The following CYB5B variants were observed in gnomAD, a reference collection of about 807,000 sequenced individuals.
CYB5B encodes cytochrome b5 type B (outer mitochondrial membrane).
Under a neutral mutation model 21.3 loss-of-function variants are expected in CYB5B, and 14 were observed. The ratio of observed to expected loss-of-function variants is 0.66; its 90% CI spans 0.43 to 1.03. The LOEUF (loss-of-function observed/expected upper bound fraction) is 1.03, where lower values mean the gene tolerates loss of function less well. Among genes scored for constraint, CYB5B ranks in the 50% least tolerant of loss-of-function variants. The pLI, the probability that CYB5B is intolerant of heterozygous loss-of-function variation, is 0.00. For synonymous variants in CYB5B, 69 were observed against 68.4 expected, an observed-to-expected ratio of 1.01 and a Z score of -0.04; for missense variants, 166 against 185.1, an observed-to-expected ratio of 0.90 and a Z score of 0.60.
rs1339147363 is a variant in CYB5B, at chr16:69,464,570, C to T, written c.*2050C>T. On this transcript the variant is annotated 3_prime_UTR_variant, in exon 5 of 5. Transcript: ENST00000307892. ...TGAAAGGGAACATTCAAACTAAAGC[C>T]AAGCCTGAAGATAACTTGAATCAGT... The T allele has an allele frequency of 1.3e-5, 2 of 152,248 alleles. No homozygotes were observed. Among genetic ancestry groups the T allele is most frequent in the Admixed American group, 1.3e-4 (2 of 15,268 alleles). 9.4% of individuals were successfully genotyped at this position (152,248 alleles called of 1,614,324 possible). A position where few individuals can be genotyped will look rare whatever the true frequency, so the allele number is the denominator to read the frequency against.
intron 1 of CYB5B, among the ~76,000 whole-genome samples, chr16:69,427,060 C>G (rs530785769): frequency 6.6e-6 from 1 of 151,950 alleles, no homozygotes; most frequent in Non-Finnish European, 1.5e-5. Context: ...GCCAACACGG[C>G]GAAACCTCGT....
At chr16:69,452,094 A>G (rs1446551673) in intron 3 of CYB5B, among the ~76,000 whole-genome samples, 1 of 151,858 alleles carries the variant, frequency 6.6e-6, no homozygotes, top group East Asian at 1.9e-4. Context: ...GGATAGACAG[A>G]CAAACCAACC....
chr16:69,447,478 C>G (rs2014889323), intron 2 of CYB5B, among the ~76,000 whole-genome samples, 200 bp downstream of exon 2: 1 of 151,948 alleles, frequency 6.6e-6, no homozygotes, highest in Admixed American at 6.6e-5. Context: ...CCCACCTCTA[C>G]TAAAAAATAC....
Position 69,462,904 on chromosome 16 carries a change from A to T in CYB5B, c.*384A>T, listed in dbSNP as rs1168452944. 1 of 157,012 alleles carries T rather than the reference A, an allele frequency of 6.4e-6. No individual in the cohort carries two copies. The highest frequency in any genetic ancestry group is 2.4e-5 in the African/African-American group (1 of 41,562). The allele number at this position is 157,012 out of a possible 1,614,324, so 9.7% of individuals were successfully genotyped here. A position where few individuals can be genotyped will look rare whatever the true frequency, so the allele number is the denominator to read the frequency against. On this transcript the variant is annotated 3_prime_UTR_variant, in exon 5 of 5. Coordinates refer to ENST00000307892, the MANE Select transcript of CYB5B (RefSeq NM_030579.3). ...TAACAGGGCGGCAGTCTAGTGTTGA[A>T]AGTTTTATTTTTCCATTTTTCTTTT...
intron 1 of CYB5B, among the ~76,000 whole-genome samples, chr16:69,442,355 T>C (rs998890686): frequency 2.0e-5 from 3 of 152,020 alleles, no homozygotes; most frequent in Non-Finnish European, 2.9e-5. Flanking sequence ...AGAAGGAAAA[T>C]GTAAAACATT....
chr16:69,451,122 G>C (rs1360648120), intron 3 of CYB5B, among the ~76,000 whole-genome samples: 1 of 151,848 alleles, frequency 6.6e-6, no homozygotes, highest in Admixed American at 6.6e-5. Flanking sequence ...TTTTTAACCC[G>C]CTTCAATCAA....
chr16:69,457,074 A>T (rs2014990261), intron 3 of CYB5B, among the ~76,000 whole-genome samples: 1 of 152,144 alleles, frequency 6.6e-6, no homozygotes, highest in Admixed American at 6.5e-5. Flanking sequence ...GGATGGATTG[A>T]TCTTAAAACA....
intron 3 of CYB5B, chr16:69,448,583 A>T (rs2014901026): frequency 6.1e-6 from 1 of 163,426 alleles, no homozygotes; most frequent in Non-Finnish European, 1.3e-5. Context: ...CTTATTTTCC[A>T]AATTTAATTC....
chr16:69,424,951 TG>T, intron 1 of CYB5B, 94 bp downstream of exon 1: 2 of 1,303,896 alleles, frequency 1.5e-6, no homozygotes, highest in East Asian at 2.9e-5. Flanking sequence ...GAGGCTTGGC[TG>T]GGGGCGATAA....
At chr16:69,430,535 A>G (rs1021727187) in intron 1 of CYB5B, among the ~76,000 whole-genome samples, 3 of 151,936 alleles carry the variant, frequency 2.0e-5, no homozygotes, top group Non-Finnish European at 4.4e-5. Context: ...TATCTCATGT[A>G]TATGGTGTTT....
intron 1 of CYB5B, among the ~76,000 whole-genome samples, chr16:69,428,430 C>T (rs771105400): frequency 4.6e-5 from 7 of 152,190 alleles, no homozygotes; most frequent in African/African-American, 1.2e-4. Context: ...GAGGCCGAGG[C>T]GGATGGATCA....
intron 1 of CYB5B, among the ~76,000 whole-genome samples, chr16:69,436,067 C>A (rs796319522): frequency 6.6e-6 from 1 of 152,216 alleles, no homozygotes; most frequent in Non-Finnish European, 1.5e-5. Flanking sequence ...GTGACCTGAT[C>A]AAGGAATCTA....
At chr16:69,450,233 A>AC (rs1166705502) in intron 3 of CYB5B, 1 of 147,728 alleles carries the variant, frequency 6.8e-6, no homozygotes, top group Non-Finnish European at 1.5e-5. Context: ...AAAAAAAAAA[A>AC]AAAAAAACCC....
chr16:69,447,338 C>T, intron 2 of CYB5B, 60 bp downstream of exon 2: 1 of 1,577,982 alleles, frequency 6.3e-7, no homozygotes, highest in Non-Finnish European at 8.6e-7. Flanking sequence ...AGCTGCAGAA[C>T]AGGATGAAGA....
chr16:69,456,769 G>C (rs2014987479), intron 3 of CYB5B, among the ~76,000 whole-genome samples: 1 of 152,138 alleles, frequency 6.6e-6, no homozygotes, highest in Non-Finnish European at 1.5e-5. Context: ...ATGAAGACTG[G>C]GGGGAACTGT....
At position 69,424,628 on chromosome 16, in the gene CYB5B, G is replaced by A. The variant is rs2014620495; in HGVS notation, c.-56G>A. 1 of 1,491,740 alleles carries A rather than the reference G, an allele frequency of 6.7e-7. No homozygotes were observed. Among genetic ancestry groups the A allele is most frequent in the East Asian group, 2.5e-5 (1 of 39,694 alleles). 92.4% of individuals were successfully genotyped at this position (1,491,740 alleles called of 1,614,324 possible). On this transcript the variant is annotated 5_prime_UTR_variant, in exon 1 of 5. Coordinates refer to ENST00000307892, the MANE Select transcript of CYB5B (RefSeq NM_030579.3). ...GGTTACGGAAGCCGAGGAAGGCTGA[G>A]CGCGGGCTCTCAAGGAAAGTAGTCG...
intron 3 of CYB5B, among the ~76,000 whole-genome samples, chr16:69,458,650 A>T (rs1276963073): frequency 6.6e-6 from 1 of 152,102 alleles, no homozygotes; most frequent in East Asian, 1.9e-4. Flanking sequence ...CATCTGTATG[A>T]TCTAGAGCAT....
intron 1 of CYB5B, among the ~76,000 whole-genome samples, chr16:69,438,443 A>G (rs2014783917): frequency 6.6e-6 from 1 of 152,228 alleles, no homozygotes; most frequent in South Asian, 2.1e-4. Flanking sequence ...TGGAAATTCT[A>G]TGTTTGGCTT....
At chr16:69,436,358 G>A (rs1446610163) in intron 1 of CYB5B, among the ~76,000 whole-genome samples, 12 of 152,202 alleles carry the variant, frequency 7.9e-5, no homozygotes, top group African/African-American at 2.2e-4. Context: ...GTGGGACCCC[G>A]TCTGGGGGGA....
Sources: allele counts gnomAD v4.1 joint callset (sites outside exome capture counted in the v4.1 genomes callset), GRCh38; gene constraint gnomAD v4.1.1; transcripts MANE v1.5; gene names NCBI Gene and HGNC (gene_info 2026-07-23, HGNC 2026-07-21).